The following XIRP2 variants were observed in gnomAD, a reference collection of about 807,000 sequenced individuals.
XIRP2 encodes xin actin binding repeat containing 2, also known as xin actin-binding repeat-containing protein 2.
Under a neutral mutation model 277.0 loss-of-function variants are expected in XIRP2, and 236 were observed. The observed-to-expected ratio is 0.85, with a 90% CI of 0.77 to 0.95. The LOEUF (loss-of-function observed/expected upper bound fraction) is 0.95. Among genes scored for constraint, XIRP2 ranks in the 40% least tolerant of loss-of-function variants. XIRP2 has a pLI of 0.00. For missense variants in XIRP2, 4,640 were observed against 4,157.5 expected (o/e 1.12, Z -3.19); for synonymous variants, 1,490 against 1,416.5 (o/e 1.05, Z -1.17).
rs575216420 is a variant in XIRP2 at position 167,259,221 on chromosome 2, G to A, written c.*1404G>A. The A allele has an allele frequency of 3.3e-5, 54 of 1,613,266 alleles. No homozygotes were observed. The Middle Eastern group carries it at 6.6e-4, about 20-fold the overall frequency. ...CATGTTGAAACAACAGAAGCTGCCC[G>A]CAATAATGAAAACACAGGTTTTGAT... On this transcript the variant is annotated 3_prime_UTR_variant, in exon 11 of 11. Coordinates refer to ENST00000409195, the MANE Select transcript of XIRP2 (RefSeq NM_152381.6).
intron 2 of XIRP2, among the ~76,000 whole-genome samples, chr2:166,929,608 T>C (rs1046138602): frequency 2.0e-5 from 3 of 152,184 alleles, no homozygotes; most frequent in Non-Finnish European, 4.4e-5. Context: ...GGAATATTTA[T>C]GGCCACTTAT....
At chr2:167,153,748 T>C (rs1199554132) in intron 3 of XIRP2, among the ~76,000 whole-genome samples, 6 of 151,788 alleles carry the variant, frequency 4.0e-5, no homozygotes, top group Admixed American at 3.3e-4. Flanking sequence ...TCATCATTTT[T>C]TATGGCTGCA....
intron 2 of XIRP2, among the ~76,000 whole-genome samples, chr2:166,960,862 T>C (rs1160459074): frequency 6.6e-6 from 1 of 151,740 alleles, no homozygotes; most frequent in Non-Finnish European, 1.5e-5. Context: ...ATTGGCACCT[T>C]GTAACCATCC....
At chr2:166,940,664 A>G (rs1052086654) in intron 2 of XIRP2, among the ~76,000 whole-genome samples, 5 of 152,206 alleles carry the variant, frequency 3.3e-5, no homozygotes, top group Admixed American at 1.3e-4. Context: ...TCCTTCTAAC[A>G]GTCAGGACCC....
intron 10 of XIRP2, among the ~76,000 whole-genome samples, chr2:167,255,816 C>A (rs555754003): frequency 3.3e-5 from 5 of 151,902 alleles, no homozygotes. Context: ...TTCATGGAAA[C>A]AATATTCGTT....
chr2:167,232,731 A>T (rs568736964), intron 5 of XIRP2, among the ~76,000 whole-genome samples: 1 of 152,030 alleles, frequency 6.6e-6, no homozygotes, highest in East Asian at 1.9e-4. Context: ...CAACCTTCTG[A>T]GATAGGCAGT....
At chr2:167,227,534 C>G (rs1468550522) in intron 5 of XIRP2, among the ~76,000 whole-genome samples, 1 of 151,912 alleles carries the variant, frequency 6.6e-6, no homozygotes, top group Non-Finnish European at 1.5e-5. Flanking sequence ...AACCCCATCT[C>G]TACAAAAGAA....
At chr2:167,228,798 G>A (rs1573976156) in intron 5 of XIRP2, among the ~76,000 whole-genome samples, 1 of 152,080 alleles carries the variant, frequency 6.6e-6, no homozygotes, top group South Asian at 2.1e-4. Context: ...TGTAGGAACA[G>A]CATTTACCCC....
At chr2:166,953,477 T>C (rs1478227461) in intron 2 of XIRP2, among the ~76,000 whole-genome samples, 1 of 152,010 alleles carries the variant, frequency 6.6e-6, no homozygotes, top group African/African-American at 2.4e-5. Flanking sequence ...GTGTCTGGTA[T>C]GTCTTCATAA....
chr2:167,061,046 A>C (rs1210576642), intron 2 of XIRP2, among the ~76,000 whole-genome samples: 2 of 152,140 alleles, frequency 1.3e-5, no homozygotes, highest in Non-Finnish European at 2.9e-5. Context: ...GCAATATTTT[A>C]TAGTATTAAA....
At chr2:167,029,395 T>G (rs971631748) in intron 2 of XIRP2, among the ~76,000 whole-genome samples, 1 of 152,148 alleles carries the variant, frequency 6.6e-6, no homozygotes, top group Middle Eastern at 3.2e-3. Context: ...ACCTAGCTTA[T>G]TGAGAGTTTT....
Position 167,245,356 on chromosome 2 carries a change from T to A in XIRP2, c.3964T>A (p.Tyr1322Asn). 1 of 1,613,770 alleles carries A rather than the reference T, an allele frequency of 6.2e-7. No individual in the cohort carries two copies. Among genetic ancestry groups the A allele is most frequent in the Non-Finnish European group, 8.5e-7 (1 of 1,179,764 alleles). ...YRMLFETQPL[Y>N]AIQDREGSYH... ...AATGCTCTTTGAAACCCAGCCACTC[T>A]ATGCAATTCAAGACCGAGAAGGGTC... Residue 1322 changes from tyrosine (Y) to asparagine (N), a missense_variant, in exon 9 of 11, where the codon TAT (tyrosine) becomes AAT (asparagine). Physicochemically the swap from Tyr to Asn is moderately radical, Grantham distance 143. Coordinates refer to ENST00000409195, the MANE Select transcript of XIRP2 (RefSeq NM_152381.6).
chr2:167,256,662 T>G (rs73012062), intron 10 of XIRP2, among the ~76,000 whole-genome samples: 3 of 151,920 alleles, frequency 2.0e-5, no homozygotes, highest in African/African-American at 4.8e-5. Flanking sequence ...ACTTCATATA[T>G]TATTTACCTT....
chr2:167,056,963 T>C (rs1026789743), intron 2 of XIRP2, among the ~76,000 whole-genome samples: 10 of 152,138 alleles, frequency 6.6e-5, no homozygotes, highest in African/African-American at 2.4e-4. Flanking sequence ...TGAAAACTTG[T>C]TTACTCTTGG....
At chr2:167,240,307 C>T (rs1351360367) in intron 6 of XIRP2, among the ~76,000 whole-genome samples, 1 of 151,734 alleles carries the variant, frequency 6.6e-6, no homozygotes, top group Admixed American at 6.6e-5. Flanking sequence ...CCCAGCTACT[C>T]GGGGGGCTGA....
intron 1 of XIRP2, among the ~76,000 whole-genome samples, chr2:166,894,252 A>G (rs1422477865): frequency 3.9e-5 from 6 of 152,108 alleles, no homozygotes; most frequent in Non-Finnish European, 5.9e-5. Flanking sequence ...CTTAGCTTTG[A>G]CCAAGGGTTT....
chr2:167,224,608 A>G (rs1281966445), intron 5 of XIRP2, among the ~76,000 whole-genome samples: 4 of 152,102 alleles, frequency 2.6e-5, no homozygotes, highest in Admixed American at 2.6e-4. Context: ...GCACCATTTA[A>G]TTTCTTCTAA....
intron 5 of XIRP2, among the ~76,000 whole-genome samples, chr2:167,238,074 T>A (rs1694953223): frequency 6.6e-6 from 1 of 152,220 alleles, no homozygotes; most frequent in African/African-American, 2.4e-5. Context: ...AAGCACTTTG[T>A]TCATTGTTCT....
At chr2:167,103,824 A>G (rs1298199398) in intron 2 of XIRP2, among the ~76,000 whole-genome samples, 1 of 152,094 alleles carries the variant, frequency 6.6e-6, no homozygotes, top group Non-Finnish European at 1.5e-5. Flanking sequence ...GAAAAAAAAA[A>G]GTAAAATATC....
Sources: gnomAD v4.1 joint callset for allele counts (sites outside exome capture counted in the v4.1 genomes callset) on GRCh38, gnomAD v4.1.1 for gene constraint, MANE v1.5 for transcripts, NCBI Gene and HGNC (gene_info 2026-07-23, HGNC 2026-07-21) for gene names.